Variants in PHF8 observed in about 807,000 individuals in gnomAD.
PHF8 encodes the protein histone lysine demethylase PHF8.
PHF8 carries 9 observed loss-of-function variants against 74.4 expected under a neutral mutation model. That is an observed-to-expected ratio of 0.12 (90% CI 0.07 to 0.21). The LOEUF (loss-of-function observed/expected upper bound fraction) is 0.21, where lower values mean the gene tolerates loss of function less well. PHF8 is among the 10% of genes least tolerant of loss of function. The probability of loss-of-function intolerance (pLI) is 1.00; values close to 1 mark genes in which losing one functional copy is unlikely to be tolerated. For missense variants in PHF8, 478 were observed against 816.6 expected (o/e 0.59, Z 5.05); for synonymous variants, 311 against 316.6 (o/e 0.98, Z 0.19).
At chrX:53,960,576 C>T (rs1410465136) in intron 19 of PHF8, among the ~76,000 whole-genome samples, 1 of 106,338 alleles carries the variant, frequency 9.4e-6, no homozygotes, top group African/African-American at 3.4e-5. Flanking sequence ...GGTGAAACCC[C>T]ATCTCTACTA....
intron 19 of PHF8, among the ~76,000 whole-genome samples, chrX:53,959,286 G>A (rs375335616): frequency 9.0e-6 from 1 of 111,167 alleles, no homozygotes; most frequent in African/African-American, 3.3e-5. Context: ...CCCTATAAAT[G>A]TACCTTTTAC....
intron 8 of PHF8, among the ~76,000 whole-genome samples, chrX:54,010,653 T>C (rs1317841851): frequency 9.0e-6 from 1 of 111,102 alleles, no homozygotes; most frequent in African/African-American, 3.3e-5. Context: ...ATGTCAACTC[T>C]CCCCAAATTG....
At chrX:53,950,503 CTCTG>C (rs1280841018) in intron 19 of PHF8, among the ~76,000 whole-genome samples, 1 of 112,434 alleles carries the variant, frequency 8.9e-6, no homozygotes, top group Non-Finnish European at 1.9e-5. Context: ...AAGCATGCAC[CTCTG>C]TCTGACTTTG....
chrX:54,015,552 G>A (rs1192719781), intron 6 of PHF8, among the ~76,000 whole-genome samples: 4 of 98,319 alleles, frequency 4.1e-5, no homozygotes, highest in Non-Finnish European at 8.2e-5. Context: ...CTCCAGCCTG[G>A]GTGACAGAGC....
At chrX:53,948,842 G>A (rs1557086010) in intron 19 of PHF8, among the ~76,000 whole-genome samples, 2 of 107,687 alleles carry the variant, frequency 1.9e-5, no homozygotes, top group Non-Finnish European at 3.8e-5. Context: ...TGACCAACAT[G>A]GAGAAACCCT....
chrX:54,031,452 A>G, intron 2 of PHF8, among the ~76,000 whole-genome samples: 1 of 109,045 alleles, frequency 9.2e-6, no homozygotes, highest in African/African-American at 3.3e-5. Flanking sequence ...CAAAGGACAC[A>G]GCAAGTTCCA....
chrX:53,998,430 G>A (rs1240250608), intron 11 of PHF8, among the ~76,000 whole-genome samples: 1 of 110,564 alleles, frequency 9.0e-6, no homozygotes. Context: ...CTCCAGCCTG[G>A]GCGACAGAGT....
In PHF8 at chrX:54,022,846, GA is replaced by G. The variant is rs782122363; in HGVS notation, c.99-4del. 6.9e-6 allele frequency: 8 copies of G among 1,157,702 alleles called. No individual in the cohort carries two copies. Among genetic ancestry groups the G allele is most frequent in the African/African-American group, 1.8e-5 (1 of 56,321 alleles). Reference sequence around the variant, plus strand: ...TCTCCTCTTCAACACCAACACAACTGAAAAAGAGAAAAACAGCCAAGGTTTA... The same window carrying G: ...TCTCCTCTTCAACACCAACACAACTGAAAAGAGAAAAACAGCCAAGGTTTA... On this transcript the variant is annotated splice_region_variant and splice_polypyrimidine_tract_variant and intron_variant, in intron 2 of 21. Coordinates refer to ENST00000338154, the MANE Select transcript of PHF8 (RefSeq NM_015107.3).
chrX:54,043,109 A>T (rs1229241679), intron 1 of PHF8: 6 of 837,600 alleles, frequency 7.2e-6, no homozygotes, highest in Middle Eastern at 5.3e-4. Context: ...TCAAGAAAAT[A>T]CCTGAAGCCT....
At chrX:53,965,644 T>G (rs2149800094) in intron 18 of PHF8, among the ~76,000 whole-genome samples, 1 of 112,117 alleles carries the variant, frequency 8.9e-6, no homozygotes, top group Non-Finnish European at 1.9e-5. Context: ...AGGAAATCTC[T>G]ATCAGAAAGT....
At chrX:53,940,102 G>T in intron 21 of PHF8, 78 bp downstream of exon 21, 1 of 812,512 alleles carries the variant, frequency 1.2e-6, no homozygotes. Flanking sequence ...CCCTGGTATT[G>T]TCATCTACTA....
intron 5 of PHF8, among the ~76,000 whole-genome samples, 195 bp from the exon 6 acceptor site, chrX:54,016,931 G>C (rs1221285948): frequency 8.9e-6 from 1 of 112,172 alleles, no homozygotes; most frequent in Non-Finnish European, 1.9e-5. Context: ...TGCCCTGCTA[G>C]GGCAATGGAA....
At chrX:53,944,494 A>G in intron 19 of PHF8, 1 of 363,131 alleles carries the variant, frequency 2.8e-6, no homozygotes, top group Non-Finnish European at 4.9e-6. Context: ...TTGGCTGGGC[A>G]TGATGGTTCA....
rs143790931 is a variant in PHF8, at chrX:53,986,039, A to G, written c.1996-90T>C. ...GGCGATGATCTGACTCCTGATATTA[A>G]TATCTTCTGAGCACCAAGTATAGAC... is the stretch of plus-strand genomic sequence containing the variant. On this transcript the variant is annotated intron_variant, in intron 16 of 21. Coordinates refer to ENST00000338154, the MANE Select transcript of PHF8 (RefSeq NM_015107.3). 661 of 850,458 alleles carry G rather than the reference A, an allele frequency of 7.8e-4. 5 individuals carry two copies. In the African/African-American group the frequency reaches 0.011, roughly 15 times the overall value. The allele number at this position is 850,458 out of a possible 1,213,427, so 70.1% of individuals were successfully genotyped here.
rs2065734051 is a variant in PHF8 at position 53,995,582 on chromosome X, G to A, written c.1323+111C>T. ...ACGAATGAATTGGGTCTTTGGTAGGGTCTTCCCGACCCTTCCCCTGGGCTC... is the reference window on the plus strand; with the variant it reads ...ACGAATGAATTGGGTCTTTGGTAGGATCTTCCCGACCCTTCCCCTGGGCTC... On this transcript the variant is annotated intron_variant, in intron 12 of 21. Transcript: ENST00000338154. 4.4e-5 allele frequency: 23 copies of A among 520,955 alleles called. No homozygotes were observed. In the South Asian group the frequency reaches 5.6e-4, roughly 13 times the overall value. 42.9% of individuals were successfully genotyped at this position (520,955 alleles called of 1,213,427 possible). A position where few individuals can be genotyped will look rare whatever the true frequency, so the allele number is the denominator to read the frequency against.
intron 20 of PHF8, among the ~76,000 whole-genome samples, chrX:53,942,170 A>C (rs2064761776): frequency 9.0e-6 from 1 of 111,715 alleles, no homozygotes; most frequent in Non-Finnish European, 1.9e-5. Context: ...ATCCCCGCCC[A>C]AGTTCAAACT....
intron 18 of PHF8, among the ~76,000 whole-genome samples, chrX:53,972,603 A>G (rs903671267): frequency 2.7e-5 from 3 of 111,653 alleles, no homozygotes; most frequent in African/African-American, 9.8e-5. Flanking sequence ...ACATCCCTTC[A>G]TGTTAAAAAC....
In PHF8 at chrX:54,007,117, T is replaced by TG. The variant is rs1449379565; in HGVS notation, c.946+4004dup. Reference sequence around the variant, plus strand: ...AGGTCCAGAAATAAACCCTTATCTTTGGTCAACAGATTTTTGACACAGGTG... The same window carrying TG: ...AGGTCCAGAAATAAACCCTTATCTTTGGGTCAACAGATTTTTGACACAGGTG... On this transcript the variant is annotated intron_variant, in intron 8 of 21. Transcript: ENST00000338154. 4.5e-5 allele frequency among the ~76,000 whole-genome samples: 5 copies of TG among 111,583 alleles called. No individual in the cohort carries two copies. In the Admixed American group the frequency reaches 4.8e-4, roughly 11 times the overall value.
At chrX:53,985,274 CAGAGTA>C (rs2065544240) in intron 17 of PHF8, 47 bp from the exon 18 acceptor site, 2 of 1,021,944 alleles carry the variant, frequency 2.0e-6, no homozygotes, top group Non-Finnish European at 2.7e-6. Flanking sequence ...TTTTAGCTGT[CAGAGTA>C]AATCGGTCAT....
Sources: gnomAD v4.1 joint callset for allele counts (sites outside exome capture counted in the v4.1 genomes callset) on GRCh38, gnomAD v4.1.1 for gene constraint, MANE v1.5 for transcripts, NCBI Gene and HGNC (gene_info 2026-07-23, HGNC 2026-07-21) for gene names.